FABP7: variants seen among roughly 807,000 people sequenced by gnomAD.
The protein encoded by FABP7 is fatty acid binding protein 7, also known as fatty acid-binding protein, brain.
Under a neutral mutation model 14.2 loss-of-function variants are expected in FABP7, and 13 were observed. The ratio of observed to expected loss-of-function variants is 0.91; its 90% CI spans 0.59 to 1.45. The LOEUF (loss-of-function observed/expected upper bound fraction) is 1.45, where lower values mean the gene tolerates loss of function less well. FABP7 is among the 40% of genes most tolerant of loss of function. The pLI, the probability that FABP7 is intolerant of heterozygous loss-of-function variation, is 0.00. For synonymous variants in FABP7, 49 were observed against 51.4 expected, an observed-to-expected ratio of 0.95 and a Z score of 0.20; for missense variants, 149 against 157.6, an observed-to-expected ratio of 0.95 and a Z score of 0.29.
chr6:122,752,992 A>G, the FABP7 span, among the ~76,000 whole-genome samples: 4 of 152,234 alleles, frequency 2.6e-5, no homozygotes, highest in Admixed American at 6.5e-5. Context: ...AGCTAAAGAC[A>G]AAATGCCATT....
At chr6:122,782,548 T>G (rs1780817719) in intron 3 of FABP7, 2 of 984,944 alleles carry the variant, frequency 2.0e-6, no homozygotes, top group Non-Finnish European at 2.4e-6. Flanking sequence ...CTAGGAGAAA[T>G]ATTATGCCTT....
At chr6:122,774,359 C>CAAAAAA in the FABP7 span, among the ~76,000 whole-genome samples, 25 of 66,640 alleles carry the variant, frequency 3.8e-4, 3 homozygotes, top group African/African-American at 1.5e-3. Flanking sequence ...TAGACTCTGT[C>CAAAAAA]AAAAAAAAAA....
At chr6:122,753,788 C>CT in the FABP7 span, among the ~76,000 whole-genome samples, 2 of 87,844 alleles carry the variant, frequency 2.3e-5, no homozygotes, top group African/African-American at 4.6e-5. Context: ...AATCCCGCCC[C>CT]CCCCCCGCCC....
chr6:122,750,764 A>T, the FABP7 span, among the ~76,000 whole-genome samples: 14 of 152,232 alleles, frequency 9.2e-5, no homozygotes. Context: ...GTGTTGATAA[A>T]AGCAGACTTT....
chr6:122,758,375 T>C, the FABP7 span, among the ~76,000 whole-genome samples: 1 of 152,292 alleles, frequency 6.6e-6, no homozygotes, highest in East Asian at 1.9e-4. Flanking sequence ...CCCAGTGTTA[T>C]CTAGTTTTAA....
the FABP7 span, among the ~76,000 whole-genome samples, chr6:122,773,291 T>C: frequency 2.6e-5 from 4 of 152,180 alleles, no homozygotes; most frequent in African/African-American, 9.6e-5. Context: ...ATGATCTAAA[T>C]TACCCTTAAG....
At chr6:122,768,413 A>C in the FABP7 span, among the ~76,000 whole-genome samples, 1 of 152,184 alleles carries the variant, frequency 6.6e-6, no homozygotes, top group South Asian at 2.1e-4. Flanking sequence ...ATTACATAAC[A>C]ATGTAAAACA....
At position 122,781,359 on chromosome 6, in the gene FABP7, C is replaced by T. The variant is rs1055306485; in HGVS notation, c.348+165C>T. On this transcript the variant is annotated intron_variant, in intron 3 of 3. Coordinates refer to ENST00000368444, the MANE Select transcript of FABP7 (RefSeq NM_001446.5). ...TTAACTATATGTAAAACAGGGGAAA[C>T]AAAAAGATCCCAGTTAATTTTCTTC... 7 of 1,460,846 alleles carry T rather than the reference C, an allele frequency of 4.8e-6. No individual in the cohort carries two copies. The African/African-American group carries it at 1.0e-4, about 21-fold the overall frequency. The allele number at this position is 1,460,846 out of a possible 1,614,324, so 90.5% of individuals were successfully genotyped here.
the FABP7 span, among the ~76,000 whole-genome samples, chr6:122,756,085 C>G: frequency 1.1e-4 from 16 of 152,168 alleles, no homozygotes; most frequent in Admixed American, 2.6e-4. Flanking sequence ...CCCCTTTCCC[C>G]TCCTCTCCCC....
chr6:122,753,011 G>A, the FABP7 span, among the ~76,000 whole-genome samples: 1 of 152,166 alleles, frequency 6.6e-6, no homozygotes, highest in Non-Finnish European at 1.5e-5. Flanking sequence ...TTTTCATAAA[G>A]GCAAAGCAAA....
chr6:122,767,947 A>G, the FABP7 span, among the ~76,000 whole-genome samples: 1 of 152,086 alleles, frequency 6.6e-6, no homozygotes, highest in Non-Finnish European at 1.5e-5. Flanking sequence ...TACTTTAAAG[A>G]AAGTGAAAGT....
chr6:122,752,682 C>T, the FABP7 span, among the ~76,000 whole-genome samples: 1 of 152,180 alleles, frequency 6.6e-6, no homozygotes, highest in Non-Finnish European at 1.5e-5. Context: ...AAAGGGGACA[C>T]TTAATAATTA....
chr6:122,766,103 T>C, the FABP7 span, among the ~76,000 whole-genome samples: 4 of 152,104 alleles, frequency 2.6e-5, no homozygotes, highest in African/African-American at 4.8e-5. Context: ...TGCTCTCAAA[T>C]ATGTAGCTAG....
chr6:122,752,614 T>C, the FABP7 span, among the ~76,000 whole-genome samples: 1 of 152,184 alleles, frequency 6.6e-6, no homozygotes, highest in East Asian at 1.9e-4. Context: ...GAAGAGTTGG[T>C]TTTTCTATAG....
chr6:122,758,189 ACT>A, the FABP7 span, among the ~76,000 whole-genome samples: 1 of 148,356 alleles, frequency 6.7e-6, no homozygotes, highest in Non-Finnish European at 1.5e-5. Flanking sequence ...CTCTATGCAA[ACT>A]CTGCCTCCTG....
the FABP7 span, among the ~76,000 whole-genome samples, chr6:122,769,287 T>G: frequency 6.6e-6 from 1 of 152,168 alleles, no homozygotes; most frequent in Non-Finnish European, 1.5e-5. Context: ...TTTTATATAT[T>G]ACAGATTACA....
chr6:122,769,037 G>T, the FABP7 span, among the ~76,000 whole-genome samples: 1 of 152,048 alleles, frequency 6.6e-6, no homozygotes, highest in Non-Finnish European at 1.5e-5. Flanking sequence ...GTTTCTCTGT[G>T]GAAACAAAGG....
the FABP7 span, among the ~76,000 whole-genome samples, chr6:122,760,579 G>C: frequency 6.7e-6 from 1 of 148,234 alleles, no homozygotes; most frequent in Non-Finnish European, 1.5e-5. Context: ...TAGATTAATT[G>C]AATTTTCTTT....
chr6:122,775,535 A>G (rs1466068179), upstream of FABP7, among the ~76,000 whole-genome samples: 6 of 152,234 alleles, frequency 3.9e-5, no homozygotes, highest in Middle Eastern at 3.4e-3. Flanking sequence ...AGACTTATAT[A>G]TAAGACCTGA....
Sources: gnomAD v4.1 joint callset for allele counts (sites outside exome capture counted in the v4.1 genomes callset) on GRCh38, gnomAD v4.1.1 for gene constraint, MANE v1.5 for transcripts, NCBI Gene and HGNC (gene_info 2026-07-23, HGNC 2026-07-21) for gene names.